SGCG: variants seen among roughly 807,000 people sequenced by gnomAD.
SGCG encodes the protein gamma-sarcoglycan.
Under a neutral mutation model 29.3 loss-of-function variants are expected in SGCG, and 26 were observed. That is an observed-to-expected ratio of 0.89 (90% confidence interval 0.65 to 1.23). The LOEUF is 1.23. Among genes scored for constraint, SGCG ranks in the 50% most tolerant of loss-of-function variants. The pLI is 0.00. For synonymous variants in SGCG, 145 were observed against 129.7 expected, an observed-to-expected ratio of 1.12 and a Z score of -0.80; for missense variants, 353 against 356.0, an observed-to-expected ratio of 0.99 and a Z score of 0.07.
chr13:23,277,761 T>C (rs367646085), intron 4 of SGCG, among the ~76,000 whole-genome samples: 2 of 149,546 alleles, frequency 1.3e-5, no homozygotes, highest in African/African-American at 4.9e-5. Context: ...TGCAGTGGCG[T>C]GATCTCGGCT....
At chr13:23,230,077 A>G (rs2137539201) in intron 2 of SGCG, among the ~76,000 whole-genome samples, 1 of 152,244 alleles carries the variant, frequency 6.6e-6, no homozygotes, top group South Asian at 2.1e-4. Context: ...AGCTTTGTCA[A>G]AGATCAGATG....
chr13:23,319,661 C>T (rs1297342048), intron 6 of SGCG, among the ~76,000 whole-genome samples: 1 of 152,188 alleles, frequency 6.6e-6, no homozygotes, highest in African/African-American at 2.4e-5. Context: ...CCCTGCCCCT[C>T]TCCTCCCATG....
chr13:23,242,658 A>G (rs892909187), intron 3 of SGCG, among the ~76,000 whole-genome samples: 1 of 152,156 alleles, frequency 6.6e-6, no homozygotes, highest in African/African-American at 2.4e-5. Context: ...AAATTTTTCT[A>G]AAAGGCATCA....
intron 2 of SGCG, among the ~76,000 whole-genome samples, chr13:23,234,109 T>G (rs537817880): frequency 1.1e-4 from 17 of 152,220 alleles, no homozygotes; most frequent in Non-Finnish European, 1.9e-4. Flanking sequence ...AACAGACCTC[T>G]ATATCCTCCT....
rs542820465 is a variant in SGCG, at chr13:23,299,734, T to G, written c.578+4247T>G. ...CCCAAAGTGCTGGGATTACAGGCGT[T>G]AGCCACCGTGCCCGGCCTTAGATTT... is the stretch of plus-strand genomic sequence containing the variant. On this transcript the variant is annotated intron_variant, in intron 6 of 7. Transcript: ENST00000218867. Among the ~76,000 whole-genome samples, 586 of 151,914 alleles carry G rather than the reference T, an allele frequency of 3.9e-3. 3 individuals carry two copies. Among genetic ancestry groups the G allele is most frequent in the Non-Finnish European group, 6.4e-3 (436 of 67,926 alleles).
At chr13:23,161,586 A>G in the SGCG span, among the ~76,000 whole-genome samples, 2 of 152,228 alleles carry the variant, frequency 1.3e-5, no homozygotes, top group Non-Finnish European at 2.9e-5. Flanking sequence ...AAGAAGCTGT[A>G]AAGAAGAGAT....
intron 1 of SGCG, among the ~76,000 whole-genome samples, chr13:23,199,343 C>T (rs1877649260): frequency 6.6e-6 from 1 of 152,174 alleles, no homozygotes; most frequent in Non-Finnish European, 1.5e-5. Context: ...CCACAAAGTG[C>T]TGTGTGTTAT....
the SGCG span, among the ~76,000 whole-genome samples, chr13:23,173,903 G>C: frequency 6.6e-6 from 1 of 152,138 alleles, no homozygotes; most frequent in Non-Finnish European, 1.5e-5. Flanking sequence ...GTGTAAACTA[G>C]AAATGAAAAT....
At chr13:23,162,652 G>A in the SGCG span, among the ~76,000 whole-genome samples, 1 of 151,066 alleles carries the variant, frequency 6.6e-6, no homozygotes, top group Non-Finnish European at 1.5e-5. Flanking sequence ...GCATCATGGT[G>A]AAACCCGATC....
chr13:23,227,315 GAA>G (rs11330528), intron 2 of SGCG, among the ~76,000 whole-genome samples: 36 of 128,798 alleles, frequency 2.8e-4, no homozygotes, highest in East Asian at 7.1e-4. Flanking sequence ...TTAAGAATGG[GAA>G]AAAAAAAAAA....
At chr13:23,296,821 A>AT (rs1481294401) in intron 6 of SGCG, among the ~76,000 whole-genome samples, 1 of 152,178 alleles carries the variant, frequency 6.6e-6, no homozygotes, top group Non-Finnish European at 1.5e-5. Context: ...CTTTGTGTCT[A>AT]TGTGTATTTT....
At chr13:23,265,895 T>C (rs1880620183) in intron 4 of SGCG, among the ~76,000 whole-genome samples, 1 of 152,146 alleles carries the variant, frequency 6.6e-6, no homozygotes, top group African/African-American at 2.4e-5. Flanking sequence ...AGATTTAACC[T>C]AGCAATCCCA....
At chr13:23,270,833 T>G (rs1021377912) in intron 4 of SGCG, among the ~76,000 whole-genome samples, 2 of 152,230 alleles carry the variant, frequency 1.3e-5, no homozygotes, top group Non-Finnish European at 2.9e-5. Context: ...TAACACTTAG[T>G]TCCCTAATTT....
intron 4 of SGCG, among the ~76,000 whole-genome samples, chr13:23,273,370 A>G (rs1442116327): frequency 6.6e-6 from 1 of 151,988 alleles, no homozygotes; most frequent in Admixed American, 6.6e-5. Context: ...TTTTTAGTAG[A>G]GATAGGGTTT....
At chr13:23,220,676 T>C (rs1278736035) in intron 2 of SGCG, among the ~76,000 whole-genome samples, 1 of 152,204 alleles carries the variant, frequency 6.6e-6, no homozygotes, top group African/African-American at 2.4e-5. Context: ...ACAATTTAGA[T>C]GATCAACTCC....
At chr13:23,282,916 G>C (rs1881360945) in intron 5 of SGCG, among the ~76,000 whole-genome samples, 1 of 152,160 alleles carries the variant, frequency 6.6e-6, no homozygotes. Flanking sequence ...TTTCCATGTA[G>C]TTGTGTGCTT....
At chr13:23,198,525 G>C (rs1877604146) in intron 1 of SGCG, among the ~76,000 whole-genome samples, 1 of 152,122 alleles carries the variant, frequency 6.6e-6, no homozygotes, top group African/African-American at 2.4e-5. Flanking sequence ...AACTATACCT[G>C]AGAGATGCAT....
At chr13:23,228,339 TTTG>T (rs1484544247) in intron 2 of SGCG, among the ~76,000 whole-genome samples, 1 of 152,220 alleles carries the variant, frequency 6.6e-6, no homozygotes, top group African/African-American at 2.4e-5. Flanking sequence ...TATTTGGTGA[TTTG>T]TTGTTTGCAG....
chr13:23,274,849 T>A (rs9552907), intron 4 of SGCG, among the ~76,000 whole-genome samples: 66,744 of 151,838 alleles, frequency 0.44, 15,369 homozygotes, highest in Middle Eastern at 0.65. Context: ...AATTTAATAA[T>A]GCTATGAAAT....
Sources: allele counts gnomAD v4.1 joint callset (sites outside exome capture counted in the v4.1 genomes callset), GRCh38; gene constraint gnomAD v4.1.1; transcripts MANE v1.5; gene names NCBI Gene and HGNC (gene_info 2026-07-23, HGNC 2026-07-21).